The following ATG2A variants were observed in gnomAD, a reference collection of about 807,000 sequenced individuals.
ATG2A encodes the protein autophagy-related protein 2 homolog A.
In ATG2A, 103 loss-of-function variants were observed where a neutral mutation model predicts 214.2. The observed-to-expected ratio is 0.48, with a 90% CI of 0.41 to 0.57. ATG2A has a LOEUF of 0.57. Among genes scored for constraint, ATG2A ranks in the 20% least tolerant of loss-of-function variants. The pLI is 0.00. For synonymous variants in ATG2A, 1,160 were observed against 1,142.1 expected, an observed-to-expected ratio of 1.02 and a Z score of -0.32; for missense variants, 2,312 against 2,613.2, an observed-to-expected ratio of 0.88 and a Z score of 2.51.
In ATG2A at chr11:64,894,899, G is replaced by A; in HGVS notation, c.*74C>T. ...CCCCTGAAGGGCCAGGCCGGGCCGG[G>A]CCCGTGGGCTGCAGCTCTTGGGAGG... On this transcript the variant is annotated 3_prime_UTR_variant, in exon 41 of 41. Transcript: ENST00000377264. 6.4e-7 allele frequency: 1 copy of A among 1,560,934 alleles called. No homozygotes were observed. The highest frequency in any genetic ancestry group is 8.8e-7 in the Non-Finnish European group (1 of 1,139,880).
At chr11:64,916,753 G>A (rs1043141366) in intron 1 of ATG2A, among the ~76,000 whole-genome samples, 8 of 152,204 alleles carry the variant, frequency 5.3e-5, no homozygotes, top group South Asian at 2.1e-4. Flanking sequence ...TTCTCCTCCC[G>A]TGGAGACAGA....
At chr11:64,908,466 C>T (rs765306516) in intron 16 of ATG2A, among the ~76,000 whole-genome samples, 3 of 152,072 alleles carry the variant, frequency 2.0e-5, no homozygotes, top group Non-Finnish European at 2.9e-5. Context: ...GCAGGAGAAT[C>T]GCTTGAGCCT....
rs200477972 is a variant in ATG2A at position 64,912,091 on chromosome 11, T to C, written c.1081A>G (p.Asn361Asp). The C allele has an allele frequency of 6.8e-6, 11 of 1,613,352 alleles. No individual in the cohort carries two copies. The East Asian group carries it at 2.5e-4, about 36-fold the overall frequency. Residue 361 changes from asparagine to aspartate, a missense_variant, in exon 8 of 41, where the codon AAC (asparagine) becomes GAC (aspartate). By Grantham distance (23) the Asn-to-Asp change is conservative. Coordinates refer to ENST00000377264, the MANE Select transcript of ATG2A (RefSeq NM_015104.3). ...PLTNPLLNLD[N>D]TDLFFSMAGL... The stretch of plus-strand genomic sequence containing the variant: ...GGTCTGACCCCACACCCACCAGTGT[T>C]ATCCAGGTTGAGAAGGGGGTTGGTA...
In ATG2A at chr11:64,917,190, G is replaced by T; in HGVS notation, c.-55C>A. ...CGCTTGCCGCCCGCCGGCGATCCCC[G>T]TCCGGCTCCGCTGTTCACTAGAGCC... On this transcript the variant is annotated 5_prime_UTR_variant, in exon 1 of 41. Coordinates refer to ENST00000377264, the MANE Select transcript of ATG2A (RefSeq NM_015104.3). 2.6e-6 allele frequency: 4 copies of T among 1,529,694 alleles called. No individual in the cohort carries two copies. The highest frequency in any genetic ancestry group is 1.2e-5 in the South Asian group (1 of 82,194). The allele number at this position is 1,529,694 out of a possible 1,614,324, so 94.8% of individuals were successfully genotyped here.
At position 64,902,142 on chromosome 11, in the gene ATG2A, G is replaced by A; in HGVS notation, c.3939C>T (p.Val1313=). 1 of 1,613,604 alleles carries A rather than the reference G, an allele frequency of 6.2e-7. No individual in the cohort carries two copies. Among genetic ancestry groups the A allele is most frequent in the Non-Finnish European group, 8.5e-7 (1 of 1,179,978 alleles). ...CACTCCGTTCACCTGGGAATAGGTA[G>A]ACGGAGATGGGCGACGCCTGAGGGA... ...GHLPQASPIS[V]YLFPGERSGA... The change falls in exon 29 of 41, where the codon GTC becomes GTT. Residue 1313 remains valine, a synonymous_variant. Transcript: ENST00000377264.
intron 13 of ATG2A, 52 bp from the exon 14 acceptor site, chr11:64,909,976 C>G: frequency 6.4e-7 from 1 of 1,570,230 alleles, no homozygotes. Flanking sequence ...CCCACTGTGA[C>G]CAAGAGCCGA....
In ATG2A at chr11:64,901,901, C is replaced by T. The variant is rs577156905; in HGVS notation, c.4119+61G>A. ...GCCAGGCAACCACCCCTGAGTGTTC[C>T]GTCCCCGCTCCAAACACACCTGCCT... On this transcript the variant is annotated intron_variant, in intron 29 of 40. Coordinates refer to ENST00000377264, the MANE Select transcript of ATG2A (RefSeq NM_015104.3). The T allele has an allele frequency of 4.3e-4, 680 of 1,578,550 alleles. No homozygotes were observed. The African/African-American group carries it at 5.8e-3, about 14-fold the overall frequency.
chr11:64,911,794 T>C, intron 9 of ATG2A, 48 bp downstream of exon 9: 3 of 1,608,684 alleles, frequency 1.9e-6, no homozygotes, highest in Non-Finnish European at 2.5e-6. Context: ...CTAAGGCCTC[T>C]TCCAGTCCTT....
chr11:64,911,814 G>C, intron 9 of ATG2A, 28 bp downstream of exon 9: 1 of 1,611,580 alleles, frequency 6.2e-7, no homozygotes, highest in Non-Finnish European at 8.5e-7. Context: ...TCCTGTCCCT[G>C]GAGTACCCCC....
chr11:64,910,195 T>C lies in ATG2A; in HGVS notation c.1708A>G (p.Ser570Gly). Residue 570 changes from serine (S) to glycine (G), a missense_variant and splice_region_variant, in exon 13 of 41, where the codon AGC becomes GGC. Physicochemically the swap from Ser to Gly is moderately conservative, Grantham distance 56. Transcript: ENST00000377264. ...HTQILRRVPK[S>G]RPRRSVACHC... ...CAGGCAACTGAGCGCCGGGGTCGGC[T>C]CTGAGGGCGAGGGCGTTCAGGTCAG... 2 of 1,595,212 alleles carry C rather than the reference T, an allele frequency of 1.3e-6. No individual in the cohort carries two copies.
In ATG2A at chr11:64,913,044, G is replaced by T; in HGVS notation, c.819C>A (p.Gly273=). Residue 273 remains glycine, a synonymous_variant, in exon 6 of 41, where the codon GGC becomes GGA. Transcript: ENST00000377264. The surrounding 1 kb of genome is among the most constrained non-coding windows in gnomAD (Gnocchi z 4.3). ...VKLKQNEAFP[G]PKLEVAGQLG... Reference sequence around the variant, plus strand: ...CAGGGGCCTGGGGACCCACCTTGGGGCCAGGGAAGGCCTCATTTTGCTTCA... The same window carrying T: ...CAGGGGCCTGGGGACCCACCTTGGGTCCAGGGAAGGCCTCATTTTGCTTCA... 1 of 1,554,272 alleles carries T rather than the reference G, an allele frequency of 6.4e-7. No homozygotes were observed. Among genetic ancestry groups the T allele is most frequent in the Non-Finnish European group, 8.7e-7 (1 of 1,149,240 alleles).
intron 24 of ATG2A, 65 bp downstream of exon 24, chr11:64,905,498 C>G: frequency 6.8e-7 from 1 of 1,478,354 alleles, no homozygotes; most frequent in Non-Finnish European, 9.3e-7. Flanking sequence ...CCAGAGGACA[C>G]ACAGCTGGCA....
chr11:64,907,894 G>A lies in ATG2A; in HGVS notation c.2365-4C>T, dbSNP rs1944614253. 6.2e-7 allele frequency: 1 copy of A among 1,611,256 alleles called. No individual in the cohort carries two copies. The highest frequency in any genetic ancestry group is 2.2e-5 in the East Asian group (1 of 44,826). On this transcript the variant is annotated splice_region_variant and splice_polypyrimidine_tract_variant and intron_variant, in intron 16 of 40. Transcript: ENST00000377264. ...CAGGGTCTCCAGGGATCACCATCTG[G>A]ACAGGGTGAGGTGGAAAGAGCAGGA...
Position 64,906,422 on chromosome 11 carries a change from C to T in ATG2A, c.3095G>A (p.Gly1032Glu). The T allele has an allele frequency of 6.2e-7, 1 of 1,613,208 alleles. No individual in the cohort carries two copies. The highest frequency in any genetic ancestry group is 1.1e-5 in the South Asian group (1 of 91,078). The change falls in exon 21 of 41, where the codon GGA becomes GAA. Residue 1032 changes from glycine (G) to glutamate (E), a missense_variant. By Grantham distance (98) the Gly-to-Glu change is moderately conservative. Coordinates refer to ENST00000377264, the MANE Select transcript of ATG2A (RefSeq NM_015104.3). Reference sequence around the variant, plus strand: ...GCCCTGGCCCTTGCGGCCCGAGGCTCCCCGCTCGGTCACCCCTTCCTCCGA... The same window carrying T: ...GCCCTGGCCCTTGCGGCCCGAGGCTTCCCGCTCGGTCACCCCTTCCTCCGA... Reference protein sequence around the residue: ...YPSEEGVTERGASGRKGQGRG... With the variant: ...YPSEEGVTEREASGRKGQGRG...
At position 64,899,474 on chromosome 11, in the gene ATG2A, CCCA is replaced by C. The variant is rs1266166704; in HGVS notation, c.4465-635_4465-633del. On this transcript the variant is annotated intron_variant, in intron 31 of 40. Coordinates refer to ENST00000377264, the MANE Select transcript of ATG2A (RefSeq NM_015104.3). ...TCTCCCGCAGGTTCTTGCAGCACAGCCCACCAACCCGAGCAGCCTGAGGCCCCT... is the reference window on the plus strand; with the variant it reads ...TCTCCCGCAGGTTCTTGCAGCACAGCCCAACCCGAGCAGCCTGAGGCCCCT... 2.0e-5 allele frequency among the ~76,000 whole-genome samples: 3 copies of C among 152,182 alleles called. 1 individual carries two copies.
Position 64,909,708 on chromosome 11 carries a change from G to C in ATG2A, c.2080C>G (p.Leu694Val). 6.2e-7 allele frequency: 1 copy of C among 1,613,232 alleles called. No homozygotes were observed. Among genetic ancestry groups the C allele is most frequent in the Non-Finnish European group, 8.5e-7 (1 of 1,179,996 alleles). ...TGTAGGTCGGAGCAGGTGAGTTCCA[G>C]GTGGGTGGGGACTGGGGGACCAGGC... ...SGPGPPVPTH[L>V]ELTCSDLHGI... Residue 694 changes from leucine (L) to valine (V), a missense_variant, in exon 14 of 41, where the codon CTG becomes GTG. Physicochemically the swap from Leu to Val is conservative, Grantham distance 32. Coordinates refer to ENST00000377264, the MANE Select transcript of ATG2A (RefSeq NM_015104.3).
At chr11:64,916,661 A>G (rs1355668459) in intron 1 of ATG2A, among the ~76,000 whole-genome samples, 1 of 151,902 alleles carries the variant, frequency 6.6e-6, no homozygotes, top group East Asian at 1.9e-4. Flanking sequence ...CCCGAGAGCC[A>G]ACCTCCTTAA....
At position 64,913,353 on chromosome 11, in the gene ATG2A, C is replaced by T. The variant is rs764043007; in HGVS notation, c.639G>A (p.Pro213=). 13 of 1,602,036 alleles carry T rather than the reference C, an allele frequency of 8.1e-6. No homozygotes were observed. The highest frequency in any genetic ancestry group is 3.4e-5 in the Admixed American group (2 of 58,754). Residue 213 remains proline (P), a synonymous_variant, in exon 5 of 41, where the codon CCG becomes CCA. Coordinates refer to ENST00000377264, the MANE Select transcript of ATG2A (RefSeq NM_015104.3). The surrounding 1 kb of genome is among the most constrained non-coding windows in gnomAD (Gnocchi z 4.3). ...AGGCAGGCGGCTGATGCACGTCCAC[C>T]GGCGGCGCCTGGCTTGGGTCCCGCA... is the stretch of plus-strand genomic sequence containing the variant. ...EAVRDPSQAP[P]VDVHQPPAFL...
intron 37 of ATG2A, 98 bp from the exon 38 acceptor site, chr11:64,896,967 TG>T: frequency 6.6e-7 from 1 of 1,506,156 alleles, no homozygotes; most frequent in Non-Finnish European, 8.9e-7. Flanking sequence ...TGGCAAGTAC[TG>T]TGGGCACTCT....
Sources: gnomAD v4.1 joint callset for allele counts (sites outside exome capture counted in the v4.1 genomes callset) on GRCh38, gnomAD v4.1.1 for gene constraint, Gnocchi (gnomAD v3.1) non-coding constraint, MANE v1.5 for transcripts, NCBI Gene and HGNC (gene_info 2026-07-23, HGNC 2026-07-21) for gene names.